CHST11: variants seen among roughly 807,000 people sequenced by gnomAD.
The protein encoded by CHST11 is carbohydrate sulfotransferase 11.
A neutral mutation model predicts 30.4 loss-of-function variants in CHST11; 9 were observed. That is an observed-to-expected ratio of 0.30 (90% CI 0.18 to 0.52). The LOEUF (loss-of-function observed/expected upper bound fraction) is 0.52, where lower values mean the gene tolerates loss of function less well. Ranked by LOEUF, CHST11 falls within the 20% of genes least tolerant of loss-of-function variation. The pLI is 0.97. For missense variants in CHST11, 348 were observed against 460.6 expected (o/e 0.76, Z 2.24); for synonymous variants, 152 against 187.8 (o/e 0.81, Z 1.56).
chr12:104,556,304 T>G (rs1477787325), intron 1 of CHST11, among the ~76,000 whole-genome samples: 1 of 152,086 alleles, frequency 6.6e-6, no homozygotes, highest in East Asian at 1.9e-4. Flanking sequence ...AAAGCCCCCC[T>G]TTTCCCAGCT....
rs554953809 is a variant in CHST11 at position 104,677,043 on chromosome 12, C to T, written c.204+75052C>T. Reference sequence around the variant, plus strand: ...CTCCAACCTTCTCCCGACCCTGCCCCATTTCCTCCTTTCCTCATCTGAAGA... The same window carrying T: ...CTCCAACCTTCTCCCGACCCTGCCCTATTTCCTCCTTTCCTCATCTGAAGA... On this transcript the variant is annotated intron_variant, in intron 2 of 2. Coordinates refer to ENST00000303694, the MANE Select transcript of CHST11 (RefSeq NM_018413.6). Among the ~76,000 whole-genome samples, 4 of 152,312 alleles carry T rather than the reference C, an allele frequency of 2.6e-5. No individual in the cohort carries two copies. In the South Asian group the frequency reaches 8.3e-4, roughly 32 times the overall value.
At chr12:104,752,672 C>T (rs1350022991) in intron 2 of CHST11, among the ~76,000 whole-genome samples, 3 of 152,168 alleles carry the variant, frequency 2.0e-5, no homozygotes, top group Non-Finnish European at 4.4e-5. Flanking sequence ...GGATCACAGG[C>T]ACCCGCCACC....
chr12:104,514,101 G>A (rs773360540), intron 1 of CHST11: 13 of 1,213,084 alleles, frequency 1.1e-5, no homozygotes, highest in Non-Finnish European at 1.6e-5. Context: ...AATCAGGCCT[G>A]TGTCTGCCTC....
At chr12:104,700,846 C>T (rs1035826886) in intron 2 of CHST11, among the ~76,000 whole-genome samples, 37 of 152,316 alleles carry the variant, frequency 2.4e-4, no homozygotes, top group Admixed American at 2.2e-3. Flanking sequence ...CGCGGTGGCT[C>T]ACCCCTATAA....
At chr12:104,487,779 G>A (rs7975558) in intron 1 of CHST11, among the ~76,000 whole-genome samples, 4 of 150,746 alleles carry the variant, frequency 2.7e-5, no homozygotes, top group Admixed American at 6.6e-5. Context: ...ATAGAGTTGC[G>A]TATCATTTAA....
chr12:104,542,347 A>C (rs908154494), intron 1 of CHST11, among the ~76,000 whole-genome samples: 1 of 152,246 alleles, frequency 6.6e-6, no homozygotes, highest in Non-Finnish European at 1.5e-5. Context: ...AAAGGTGAAA[A>C]CAACTCACGT....
intron 1 of CHST11, among the ~76,000 whole-genome samples, chr12:104,528,874 G>T (rs573702983): frequency 6.6e-6 from 1 of 152,296 alleles, no homozygotes; most frequent in African/African-American, 2.4e-5. Flanking sequence ...TTTCTGAGTT[G>T]TGCCATACCA....
intron 2 of CHST11, among the ~76,000 whole-genome samples, chr12:104,674,268 G>A (rs1399396489): frequency 6.6e-6 from 1 of 152,022 alleles, no homozygotes; most frequent in Non-Finnish European, 1.5e-5. Context: ...TTCTCTCAGT[G>A]GTCTGTCAGA....
At chr12:104,628,815 C>T (rs1244798495) in intron 2 of CHST11, among the ~76,000 whole-genome samples, 6 of 152,206 alleles carry the variant, frequency 3.9e-5, no homozygotes, top group Non-Finnish European at 8.8e-5. Flanking sequence ...TCCTCTAATA[C>T]CCTTGCCTCT....
chr12:104,743,266 A>C (rs887185357), intron 2 of CHST11, among the ~76,000 whole-genome samples: 3 of 152,244 alleles, frequency 2.0e-5, no homozygotes, highest in African/African-American at 7.2e-5. Context: ...GAAGCAGGGA[A>C]GGGGATGGGA....
At chr12:104,475,688 A>ATATATATATATATATATAT (rs1555226434) in intron 1 of CHST11, among the ~76,000 whole-genome samples, 79 of 78,418 alleles carry the variant, frequency 1.0e-3, no homozygotes, top group Non-Finnish European at 1.4e-3. Flanking sequence ...ATATATATAT[A>ATATATATATATATATATAT]TATTTCTGAT....
At chr12:104,716,099 G>A (rs556943752) in intron 2 of CHST11, among the ~76,000 whole-genome samples, 1 of 152,138 alleles carries the variant, frequency 6.6e-6, no homozygotes, top group Non-Finnish European at 1.5e-5. Context: ...ATCTGGTGGT[G>A]CTGTGTCTGC....
At chr12:104,503,606 C>T (rs182166360) in intron 1 of CHST11, among the ~76,000 whole-genome samples, 316 of 152,336 alleles carry the variant, frequency 2.1e-3, no homozygotes, top group Non-Finnish European at 3.9e-3. Flanking sequence ...CCTCTTCTTA[C>T]TGGGACTTGA....
intron 2 of CHST11, among the ~76,000 whole-genome samples, chr12:104,651,924 A>G (rs2039493485): frequency 6.6e-6 from 1 of 152,076 alleles, no homozygotes; most frequent in South Asian, 2.1e-4. Context: ...ACCTCATCTA[A>G]TAGAGTTAAC....
intron 1 of CHST11, among the ~76,000 whole-genome samples, chr12:104,556,896 G>A (rs556517384): frequency 1.3e-5 from 2 of 151,096 alleles, no homozygotes; most frequent in Non-Finnish European, 2.9e-5. Context: ...CAGGAGAATC[G>A]CTTGAACCCA....
rs562858098 is a variant in CHST11 at position 104,654,760 on chromosome 12, G to A, written c.204+52769G>A. ...GCTGCAAGGTCACACGCAGACAGAC[G>A]CCAACCTCTAGCCTCCCCACAGAAG... On this transcript the variant is annotated intron_variant, in intron 2 of 2. Transcript: ENST00000303694. Among the ~76,000 whole-genome samples, 8 of 152,224 alleles carry A rather than the reference G, an allele frequency of 5.3e-5. 1 individual carries two copies. The South Asian group carries it at 8.3e-4, about 16-fold the overall frequency.
chr12:104,574,914 G>A (rs1001857624), intron 1 of CHST11, among the ~76,000 whole-genome samples: 3 of 151,904 alleles, frequency 2.0e-5, no homozygotes, highest in Admixed American at 6.6e-5. Context: ...TGTAGAGGCC[G>A]GGCGTGGTGA....
In CHST11 at chr12:104,679,997, G is replaced by A. The variant is rs533556346; in HGVS notation, c.205-76952G>A. 2.6e-5 allele frequency among the ~76,000 whole-genome samples: 4 copies of A among 152,266 alleles called. No individual in the cohort carries two copies. In the East Asian group the frequency reaches 7.7e-4, roughly 29 times the overall value. On this transcript the variant is annotated intron_variant, in intron 2 of 2. Transcript: ENST00000303694. The stretch of plus-strand genomic sequence containing the variant: ...GCTGGACCACCTTATAATTTGCAAA[G>A]CCCCACCAACTGGTCTGCTTTCTTT...
At chr12:104,576,973 G>A (rs575305847) in intron 1 of CHST11, among the ~76,000 whole-genome samples, 11 of 152,210 alleles carry the variant, frequency 7.2e-5, no homozygotes, top group African/African-American at 1.9e-4. Context: ...TGGCATTGCA[G>A]GGGTGAGGGT....
Sources: gnomAD v4.1 joint callset for allele counts (sites outside exome capture counted in the v4.1 genomes callset) on GRCh38, gnomAD v4.1.1 for gene constraint, MANE v1.5 for transcripts, NCBI Gene and HGNC (gene_info 2026-07-23, HGNC 2026-07-21) for gene names.